The following ADGRL3 variants were observed in gnomAD, a reference collection of about 807,000 sequenced individuals.
ADGRL3 encodes the protein calcium-independent alpha-latrotoxin receptor 3.
A neutral mutation model predicts 153.5 loss-of-function variants in ADGRL3; 62 were observed. That is an observed-to-expected ratio of 0.40 (90% confidence interval 0.33 to 0.50). ADGRL3 has a LOEUF of 0.50. Among genes scored for constraint, ADGRL3 ranks in the 20% least tolerant of loss-of-function variants. The probability of loss-of-function intolerance (pLI) is 0.47; values close to 1 mark genes in which losing one functional copy is unlikely to be tolerated. For missense variants in ADGRL3, 1,641 were observed against 1,859.4 expected (o/e 0.88, Z 2.16); for synonymous variants, 710 against 672.5 (o/e 1.06, Z -0.86).
rs377237155 is a variant in ADGRL3, at chr4:61,326,536, T to C, written c.-239-56588T>C. Among the ~76,000 whole-genome samples, 8 of 151,854 alleles carry C rather than the reference T, an allele frequency of 5.3e-5. No individual in the cohort carries two copies. The East Asian group carries it at 1.4e-3, about 26-fold the overall frequency. On this transcript the variant is annotated intron_variant, in intron 1 of 26. Transcript: ENST00000683033. ...TTTTATTATATTTTATTTAGGAGAATTTAATATTGTGATTTTTTTTTTGCA... is the reference window on the plus strand; with the variant it reads ...TTTTATTATATTTTATTTAGGAGAACTTAATATTGTGATTTTTTTTTTGCA...
At chr4:61,857,009 T>C (rs1217896100) in intron 9 of ADGRL3, among the ~76,000 whole-genome samples, 53 of 142,552 alleles carry the variant, frequency 3.7e-4, no homozygotes, top group African/African-American at 1.4e-3. Flanking sequence ...TCTTTCTTTC[T>C]TTCTTTCCTT....
intron 5 of ADGRL3, among the ~76,000 whole-genome samples, chr4:61,638,272 G>C (rs1299605235): frequency 6.6e-6 from 1 of 152,130 alleles, no homozygotes; most frequent in East Asian, 1.9e-4. Context: ...AATGTTGAAT[G>C]AAAGAAGCCA....
intron 2 of ADGRL3, among the ~76,000 whole-genome samples, chr4:61,479,141 G>C (rs2098102481): frequency 6.6e-6 from 1 of 151,920 alleles, no homozygotes; most frequent in South Asian, 2.1e-4. Flanking sequence ...AAGTATCAGG[G>C]AGATGCCTCT....
chr4:61,294,059 G>A (rs544471615), intron 1 of ADGRL3, among the ~76,000 whole-genome samples: 2 of 152,116 alleles, frequency 1.3e-5, no homozygotes, highest in Non-Finnish European at 2.9e-5. Flanking sequence ...ATAATGCCAC[G>A]AAAGTATACA....
At chr4:61,524,922 C>T (rs933857812) in intron 4 of ADGRL3, among the ~76,000 whole-genome samples, 1 of 151,986 alleles carries the variant, frequency 6.6e-6, no homozygotes, top group African/African-American at 2.4e-5. Context: ...TTCAAGGGTT[C>T]GTAGCTTGGG....
At chr4:61,587,101 T>G (rs2098949533) in intron 4 of ADGRL3, 126 bp from the exon 5 acceptor site, 1 of 499,854 alleles carries the variant, frequency 2.0e-6, no homozygotes, top group African/African-American at 1.9e-5. Context: ...TTAATTAAAA[T>G]TATGAATCTT....
intron 9 of ADGRL3, among the ~76,000 whole-genome samples, chr4:61,855,395 GCAGT>G (rs1431585681): frequency 6.6e-6 from 1 of 152,144 alleles, no homozygotes; most frequent in African/African-American, 2.4e-5. Context: ...TTTTCTGGAA[GCAGT>G]CAAAGCTAGA....
In ADGRL3 at chr4:61,201,446, C is replaced by T. The variant is rs1485012582; in HGVS notation, c.-559C>T. ...CTTTTCTTTTCGCTCCCCTTTTGCCCCCTTGGGGTGTGTGAAGCGAGGAAC... is the reference window on the plus strand; with the variant it reads ...CTTTTCTTTTCGCTCCCCTTTTGCCTCCTTGGGGTGTGTGAAGCGAGGAAC... On this transcript the variant is annotated 5_prime_UTR_variant, in exon 1 of 27. Coordinates refer to ENST00000683033, the MANE Select transcript of ADGRL3 (RefSeq NM_001387552.1). 1 of 152,324 alleles carries T rather than the reference C, an allele frequency of 6.6e-6. No homozygotes were observed. The allele number at this position is 152,324 out of a possible 1,614,324, so 9.4% of individuals were successfully genotyped here.
intron 24 of ADGRL3, among the ~76,000 whole-genome samples, chr4:62,040,431 C>A (rs954247104): frequency 2.0e-5 from 3 of 151,962 alleles, no homozygotes; most frequent in Admixed American, 1.3e-4. Context: ...TTACTTAAAT[C>A]TATATTATTT....
intron 2 of ADGRL3, among the ~76,000 whole-genome samples, chr4:61,496,189 A>G (rs2098313440): frequency 7.2e-6 from 1 of 139,170 alleles, no homozygotes; most frequent in South Asian, 2.5e-4. Context: ...CTGAATGAAT[A>G]TTGCAGCCTG....
chr4:62,053,237 T>C (rs1735150881), intron 25 of ADGRL3, among the ~76,000 whole-genome samples: 1 of 151,486 alleles, frequency 6.6e-6, no homozygotes, highest in African/African-American at 2.4e-5. Context: ...GGAGGATATA[T>C]GTTTAGCAAA....
chr4:61,875,141 G>T (rs2098468095), intron 9 of ADGRL3, among the ~76,000 whole-genome samples: 1 of 152,112 alleles, frequency 6.6e-6, no homozygotes, highest in South Asian at 2.1e-4. Context: ...ACACAAAATT[G>T]CCTAGTTTTA....
At chr4:61,527,720 G>A (rs750851949) in intron 4 of ADGRL3, among the ~76,000 whole-genome samples, 1 of 152,062 alleles carries the variant, frequency 6.6e-6, no homozygotes, top group Non-Finnish European at 1.5e-5. Flanking sequence ...TTTGGTTTTT[G>A]TTTTTAATGC....
chr4:61,241,237 T>C (rs1297063256), intron 1 of ADGRL3, among the ~76,000 whole-genome samples: 1 of 151,942 alleles, frequency 6.6e-6, no homozygotes, highest in Non-Finnish European at 1.5e-5. Flanking sequence ...AGAGATTAGA[T>C]GAATAAAGAG....
At chr4:61,212,492 T>C (rs867282082) in intron 1 of ADGRL3, among the ~76,000 whole-genome samples, 18 of 152,170 alleles carry the variant, frequency 1.2e-4, no homozygotes, top group African/African-American at 4.3e-4. Flanking sequence ...AGTAGTATTT[T>C]TCAAATGATA....
chr4:61,700,071 A>G (rs2095723345), intron 6 of ADGRL3, among the ~76,000 whole-genome samples: 1 of 152,220 alleles, frequency 6.6e-6, no homozygotes, highest in East Asian at 1.9e-4. Context: ...AGGAAAGAGT[A>G]AGGAGGGACG....
intron 1 of ADGRL3, among the ~76,000 whole-genome samples, chr4:61,380,329 C>A (rs1173714000): frequency 6.6e-6 from 1 of 151,884 alleles, no homozygotes; most frequent in African/African-American, 2.4e-5. Flanking sequence ...GAATTCATAC[C>A]AACTAGAGCA....
At chr4:61,490,691 C>A (rs2098248533) in intron 2 of ADGRL3, among the ~76,000 whole-genome samples, 1 of 81,460 alleles carries the variant, frequency 1.2e-5, no homozygotes, top group African/African-American at 3.5e-5. Context: ...TTGACCCCCT[C>A]AATATTGAAA....
chr4:61,722,692 T>C (rs1210299303), intron 6 of ADGRL3, among the ~76,000 whole-genome samples: 1 of 152,206 alleles, frequency 6.6e-6, no homozygotes, highest in African/African-American at 2.4e-5. Context: ...ATATGTCAAC[T>C]GAAGCCCTTA....
Sources: gnomAD v4.1 joint callset for allele counts (sites outside exome capture counted in the v4.1 genomes callset) on GRCh38, gnomAD v4.1.1 for gene constraint, MANE v1.5 for transcripts, NCBI Gene and HGNC (gene_info 2026-07-23, HGNC 2026-07-21) for gene names.